Variants in SHANK2 observed in about 807,000 individuals in gnomAD.
SHANK2 encodes SH3 and multiple ankyrin repeat domains 2, also known as SH3 and multiple ankyrin repeat domains protein 2.
A neutral mutation model predicts 133.7 loss-of-function variants in SHANK2; 43 were observed. The observed-to-expected ratio is 0.32, with a 90% CI of 0.25 to 0.41. The LOEUF (loss-of-function observed/expected upper bound fraction) is 0.41. Ranked by LOEUF, SHANK2 falls within the 10% of genes least tolerant of loss-of-function variation. The probability of loss-of-function intolerance (pLI) is 1.00; values close to 1 mark genes in which losing one functional copy is unlikely to be tolerated. For missense variants in SHANK2, 1,994 were observed against 2,235.8 expected, an observed-to-expected ratio of 0.89 and a Z score of 2.18; for synonymous variants, 1,017 against 952.8, an observed-to-expected ratio of 1.07 and a Z score of -1.24.
chr11:71,243,722 A>G (rs1954923126), intron 1 of SHANK2, among the ~76,000 whole-genome samples: 1 of 152,168 alleles, frequency 6.6e-6, no homozygotes, highest in African/African-American at 2.4e-5. Context: ...AATAATAATG[A>G]GACGGTGCTA....
chr11:70,892,897 G>C (rs555183461), intron 11 of SHANK2, among the ~76,000 whole-genome samples: 1 of 152,160 alleles, frequency 6.6e-6, no homozygotes, highest in African/African-American at 2.4e-5. Context: ...AGCCTCCGGG[G>C]CCCACAGAGT....
chr11:70,840,943 C>G (rs965967876), intron 11 of SHANK2, among the ~76,000 whole-genome samples: 2 of 152,116 alleles, frequency 1.3e-5, no homozygotes, highest in African/African-American at 4.8e-5. Context: ...CTGGCTGGCT[C>G]TGATCTCTTC....
At chr11:70,898,282 G>GCACA (rs71467421) in intron 10 of SHANK2, among the ~76,000 whole-genome samples, 69,183 of 135,118 alleles carry the variant, frequency 0.51, 17,854 homozygotes, top group East Asian at 0.61. Flanking sequence ...ATACACACAC[G>GCACA]CACACACACA....
chr11:70,620,453 A>T (rs189145022), intron 17 of SHANK2, among the ~76,000 whole-genome samples: 1 of 152,130 alleles, frequency 6.6e-6, no homozygotes, highest in African/African-American at 2.4e-5. Flanking sequence ...TACAAGAAAC[A>T]CACAGAGCTC....
At position 70,479,413 on chromosome 11, in the gene SHANK2, C is replaced by T. The variant is rs898840249; in HGVS notation, c.4979+5901G>A. Among the ~76,000 whole-genome samples the T allele has an allele frequency of 2.6e-5, 4 of 152,230 alleles. No individual in the cohort carries two copies. Among genetic ancestry groups the T allele is most frequent in the African/African-American group, 9.6e-5 (4 of 41,460 alleles). ...GGCCTTGGGAAGGGGAGGCAGGTAC[C>T]GTGAGGCAGCAGGCGCAGGGGCCTC... On this transcript the variant is annotated intron_variant, in intron 25 of 25. Coordinates refer to ENST00000601538, the MANE Select transcript of SHANK2 (RefSeq NM_012309.5). The surrounding 1 kb of genome is among the most constrained non-coding windows in gnomAD (Gnocchi z 4.4).
chr11:70,900,543 C>T (rs559232487), intron 10 of SHANK2, among the ~76,000 whole-genome samples: 2 of 152,268 alleles, frequency 1.3e-5, no homozygotes, highest in South Asian at 2.1e-4. Flanking sequence ...TGAAATAACA[C>T]GTACGTGGAC....
intron 17 of SHANK2, among the ~76,000 whole-genome samples, chr11:70,505,933 CCTT>C (rs1487094633): frequency 5.3e-5 from 8 of 152,182 alleles, no homozygotes; most frequent in Non-Finnish European, 7.3e-5. Context: ...TGGATGCTGT[CCTT>C]CTGTGATCTT....
At chr11:70,528,081 G>A (rs1324039371) in intron 17 of SHANK2, among the ~76,000 whole-genome samples, 2 of 152,246 alleles carry the variant, frequency 1.3e-5, no homozygotes, top group Admixed American at 1.3e-4. Flanking sequence ...GGACCCAGAC[G>A]ACAAGGCAGA....
intron 17 of SHANK2, among the ~76,000 whole-genome samples, chr11:70,540,540 C>T (rs540140978): frequency 8.8e-5 from 11 of 125,468 alleles, no homozygotes; most frequent in African/African-American, 3.6e-4. Context: ...ATGGCCGCAG[C>T]TTCACGATTA....
intron 14 of SHANK2, among the ~76,000 whole-genome samples, chr11:70,786,166 A>G (rs1045382126): frequency 6.6e-6 from 1 of 152,210 alleles, no homozygotes; most frequent in Admixed American, 6.5e-5. Flanking sequence ...ACGGGGCAAT[A>G]AAGTGGAATT....
At chr11:70,846,454 G>C (rs1274579550) in intron 11 of SHANK2, among the ~76,000 whole-genome samples, 1 of 152,022 alleles carries the variant, frequency 6.6e-6, no homozygotes, top group African/African-American at 2.4e-5. Flanking sequence ...ATTTTTTGTA[G>C]AGATGGGGCC....
intron 9 of SHANK2, among the ~76,000 whole-genome samples, chr11:71,065,610 C>T (rs1309147160): frequency 5.6e-4 from 13 of 23,290 alleles, no homozygotes; most frequent in African/African-American, 2.4e-3. Flanking sequence ...TGAGTGGGGA[C>T]GTTGCAGGGG....
At chr11:71,088,188 C>T (rs1000398448) in intron 8 of SHANK2, among the ~76,000 whole-genome samples, 1 of 152,150 alleles carries the variant, frequency 6.6e-6, no homozygotes. Context: ...CAAACAGGAT[C>T]CCCGCAGCGG....
At chr11:70,502,366 G>A in intron 18 of SHANK2, 80 bp from the exon 19 acceptor site, 2 of 1,376,652 alleles carry the variant, frequency 1.5e-6, no homozygotes. Flanking sequence ...GTGGCCCTGT[G>A]GCTGGCAGGT....
At chr11:71,109,657 G>A (rs376121658) in intron 6 of SHANK2, among the ~76,000 whole-genome samples, 17 of 152,232 alleles carry the variant, frequency 1.1e-4, no homozygotes, top group African/African-American at 3.4e-4. Context: ...CAACACATGC[G>A]TGTCATCTGC....
chr11:71,095,656 C>T (rs760792210), intron 6 of SHANK2, among the ~76,000 whole-genome samples: 1 of 152,250 alleles, frequency 6.6e-6, no homozygotes, highest in Non-Finnish European at 1.5e-5. Flanking sequence ...CATCCCCCTC[C>T]ATCCCAGAAA....
chr11:71,120,501 CG>C (rs1161495847), intron 3 of SHANK2, among the ~76,000 whole-genome samples: 1 of 151,566 alleles, frequency 6.6e-6, no homozygotes, highest in Non-Finnish European at 1.5e-5. Context: ...GATCCTGGGA[CG>C]GCCAACAGGA....
chr11:70,798,062 G>A (rs1555049553), intron 14 of SHANK2, among the ~76,000 whole-genome samples: 1 of 152,124 alleles, frequency 6.6e-6, no homozygotes, highest in South Asian at 2.1e-4. Context: ...GTGTTCTCAG[G>A]GCGGCACAGG....
intron 14 of SHANK2, among the ~76,000 whole-genome samples, chr11:70,722,565 C>G (rs1164161799): frequency 6.6e-6 from 1 of 152,138 alleles, no homozygotes; most frequent in Non-Finnish European, 1.5e-5. Flanking sequence ...TTTGAAATTA[C>G]GTATATTGTT....
Sources: allele counts gnomAD v4.1 joint callset (sites outside exome capture counted in the v4.1 genomes callset), GRCh38; gene constraint gnomAD v4.1.1; non-coding constraint Gnocchi (gnomAD v3.1); transcripts MANE v1.5; gene names NCBI Gene and HGNC (gene_info 2026-07-23, HGNC 2026-07-21).